Variants in RCC2 observed in about 807,000 individuals in gnomAD.
RCC2 encodes the protein regulator of chromosome condensation 2.
In RCC2, 19 loss-of-function variants were observed where a neutral mutation model predicts 64.1. That is an observed-to-expected ratio of 0.30 (90% CI 0.21 to 0.44). RCC2 has a LOEUF of 0.44. RCC2 is among the 20% of genes least tolerant of loss of function. The pLI is 1.00. For missense variants in RCC2, 508 were observed against 710.4 expected, an observed-to-expected ratio of 0.72 and a Z score of 3.24; for synonymous variants, 325 against 279.6, an observed-to-expected ratio of 1.16 and a Z score of -1.62.
chr1:17,431,658 C>T (rs549231856), intron 2 of RCC2, among the ~76,000 whole-genome samples: 1 of 151,906 alleles, frequency 6.6e-6, no homozygotes, highest in African/African-American at 2.4e-5. Flanking sequence ...GGATGATTTC[C>T]ACTTCAATAG....
intron 7 of RCC2, among the ~76,000 whole-genome samples, chr1:17,418,207 G>A (rs1298557841): frequency 2.1e-5 from 3 of 144,126 alleles, no homozygotes; most frequent in Admixed American, 1.5e-4. Flanking sequence ...CTCATAAGCA[G>A]GTTCTATTTT....
intron 1 of RCC2, among the ~76,000 whole-genome samples, chr1:17,438,911 G>C (rs754936821): frequency 6.6e-5 from 10 of 152,216 alleles, no homozygotes; most frequent in Admixed American, 4.6e-4. Context: ...GACACTTCCA[G>C]GATTCCCCCT....
intron 2 of RCC2, 44 bp downstream of exon 2, chr1:17,438,186 G>T: frequency 8.6e-7 from 1 of 1,157,790 alleles, no homozygotes; most frequent in Non-Finnish European, 1.1e-6. Flanking sequence ...TGAGCCCGCC[G>T]GCCCCGGCCC....
At chr1:17,423,411 G>A (rs547558600) in intron 4 of RCC2, among the ~76,000 whole-genome samples, 1 of 152,288 alleles carries the variant, frequency 6.6e-6, no homozygotes, top group East Asian at 1.9e-4. Flanking sequence ...CTCAGCCACA[G>A]GAACCCTGGT....
intron 3 of RCC2, among the ~76,000 whole-genome samples, chr1:17,428,147 C>A (rs1298574279): frequency 1.3e-5 from 2 of 152,230 alleles, no homozygotes; most frequent in African/African-American, 4.8e-5. Context: ...TCAATGTCAA[C>A]TGGGCTGCTC....
intron 4 of RCC2, among the ~76,000 whole-genome samples, chr1:17,423,453 C>G (rs753430749): frequency 6.6e-6 from 1 of 152,212 alleles, no homozygotes; most frequent in African/African-American, 2.4e-5. Context: ...CAACACAACA[C>G]GCCCAGCCCC....
At chr1:17,433,156 A>G (rs973307033) in intron 2 of RCC2, among the ~76,000 whole-genome samples, 4 of 152,206 alleles carry the variant, frequency 2.6e-5, no homozygotes, top group African/African-American at 9.7e-5. Flanking sequence ...CTGTTATTCA[A>G]GTTTTTACGT....
chr1:17,423,995 G>A (rs1359176648), intron 4 of RCC2, among the ~76,000 whole-genome samples: 5 of 152,186 alleles, frequency 3.3e-5, no homozygotes, highest in African/African-American at 4.8e-5. Context: ...ACTGGCACTC[G>A]AGCAGGAGAG....
intron 8 of RCC2, among the ~76,000 whole-genome samples, chr1:17,414,200 T>C (rs973854469): frequency 2.0e-5 from 3 of 152,160 alleles, no homozygotes; most frequent in Non-Finnish European, 4.4e-5. Context: ...CAGGGCTATG[T>C]CTCCTGAGAG....
chr1:17,419,956 G>A (rs550629056), intron 7 of RCC2, among the ~76,000 whole-genome samples: 40 of 152,224 alleles, frequency 2.6e-4, no homozygotes, highest in Non-Finnish European at 4.4e-4. Context: ...GCTAAGGCCA[G>A]CGGGCTCGGC....
In RCC2 at chr1:17,429,473, T is replaced by TA. The variant is rs547412716; in HGVS notation, c.286-275dup. On this transcript the variant is annotated intron_variant, in intron 2 of 12. Transcript: ENST00000375436. ...CTTTAAAATAGCTTTTGCAAAACAC[T>TA]AAAAAAAAAACCCAAATACATGCCT... is the stretch of plus-strand genomic sequence containing the variant. Among the ~76,000 whole-genome samples, 121 of 147,090 alleles carry TA rather than the reference T, an allele frequency of 8.2e-4. 2 individuals are homozygous for TA. The East Asian group carries it at 0.018, about 21-fold the overall frequency.
chr1:17,425,771 C>T lies in RCC2; in HGVS notation c.380-87G>A, dbSNP rs144270021. The T allele has an allele frequency of 1.9e-3, 2,754 of 1,416,330 alleles. 16 individuals are homozygous for T. Among genetic ancestry groups the T allele is most frequent in the South Asian group, 9.1e-3 (687 of 75,700 alleles). 87.7% of individuals were successfully genotyped at this position (1,416,330 alleles called of 1,614,324 possible). A position where few individuals can be genotyped will look rare whatever the true frequency, so the allele number is the denominator to read the frequency against. On this transcript the variant is annotated intron_variant, in intron 3 of 12. Transcript: ENST00000375436. ...CACTGGCCACCAAGCAGCCACTTCC[C>T]GAGGGTACCAGGGACAGGTGTTCCT...
At chr1:17,422,623 C>T (rs2075567600) in intron 5 of RCC2, 82 bp downstream of exon 5, 4 of 1,543,888 alleles carry the variant, frequency 2.6e-6, no homozygotes, top group South Asian at 1.2e-5. Context: ...AGGGGAACTC[C>T]ACCACCCCAC....
chr1:17,439,502 C>T (rs1362580191), intron 1 of RCC2, 43 bp downstream of exon 1: 8 of 146,344 alleles, frequency 5.5e-5, no homozygotes, highest in Non-Finnish European at 4.5e-5. Flanking sequence ...AAAAAACTTT[C>T]CCAGACCCCA....
chr1:17,434,063 C>T (rs2100395642), intron 2 of RCC2, among the ~76,000 whole-genome samples: 1 of 152,306 alleles, frequency 6.6e-6, no homozygotes, highest in South Asian at 2.1e-4. Flanking sequence ...AAGGCTGCTG[C>T]CTTTACTTGC....
At chr1:17,422,968 A>ACCC in intron 4 of RCC2, 132 bp from the exon 5 acceptor site, 1 of 1,222,478 alleles carries the variant, frequency 8.2e-7, no homozygotes, top group Non-Finnish European at 1.2e-6. Context: ...AATTCCCAAC[A>ACCC]GCCAAGATCC....
chr1:17,427,900 G>A (rs1305053847), intron 3 of RCC2, among the ~76,000 whole-genome samples: 3 of 152,200 alleles, frequency 2.0e-5, no homozygotes, highest in Non-Finnish European at 2.9e-5. Flanking sequence ...AGACTGAGAA[G>A]TCAATTCCCA....
At chr1:17,417,919 AACAAT>A (rs2075506707) in intron 7 of RCC2, among the ~76,000 whole-genome samples, 2 of 152,290 alleles carry the variant, frequency 1.3e-5, no homozygotes, top group East Asian at 3.9e-4. Flanking sequence ...AGATAATACA[AACAAT>A]ACAAGTAAGA....
chr1:17,423,927 G>A (rs763134678), intron 4 of RCC2, among the ~76,000 whole-genome samples: 4 of 152,244 alleles, frequency 2.6e-5, no homozygotes, highest in East Asian at 1.9e-4. Context: ...GAATTGCGAC[G>A]AAGGGAAACC....
Sources: gnomAD v4.1 joint callset for allele counts (sites outside exome capture counted in the v4.1 genomes callset) on GRCh38, gnomAD v4.1.1 for gene constraint, MANE v1.5 for transcripts, NCBI Gene and HGNC (gene_info 2026-07-23, HGNC 2026-07-21) for gene names.